The following CNGB1 variants were observed in gnomAD, a reference collection of about 807,000 sequenced individuals.
The protein encoded by CNGB1 is cyclic nucleotide-gated channel beta-1.
Under a neutral mutation model 151.7 loss-of-function variants are expected in CNGB1, and 126 were observed. The ratio of observed to expected loss-of-function variants is 0.83; its 90% CI spans 0.72 to 0.96. The LOEUF is 0.96. CNGB1 is among the 40% of genes least tolerant of loss of function. The pLI is 0.00. For missense variants in CNGB1, 1,698 were observed against 1,627.0 expected (o/e 1.04, Z -0.75); for synonymous variants, 623 against 635.1 (o/e 0.98, Z 0.29).
In CNGB1 at chr16:57,904,893, A is replaced by G; in HGVS notation, c.2493-18T>C. ...GAATATAACTGGAGAGAGAGGAGAA[A>G]GGGAACATGGGTCATCACAGGCCCC... On this transcript the variant is annotated intron_variant, in intron 25 of 32. Transcript: ENST00000251102. 6.2e-7 allele frequency: 1 copy of G among 1,614,148 alleles called. No homozygotes were observed. Among genetic ancestry groups the G allele is most frequent in the Non-Finnish European group, 8.5e-7 (1 of 1,180,022 alleles).
intron 14 of CNGB1, among the ~76,000 whole-genome samples, chr16:57,945,887 G>T (rs1961794519): frequency 6.6e-6 from 1 of 152,220 alleles, no homozygotes; most frequent in African/African-American, 2.4e-5. Context: ...GATCTGCAGG[G>T]TTATGAAATC....
intron 19 of CNGB1, among the ~76,000 whole-genome samples, chr16:57,919,989 A>G (rs1241359305): frequency 6.6e-6 from 1 of 152,232 alleles, no homozygotes; most frequent in Non-Finnish European, 1.5e-5. Context: ...GATAGCCTCA[A>G]TAAGAACTTT....
At chr16:57,952,648 G>A (rs1961982157) in intron 12 of CNGB1, among the ~76,000 whole-genome samples, 1 of 151,670 alleles carries the variant, frequency 6.6e-6, no homozygotes, top group Non-Finnish European at 1.5e-5. Context: ...TTACAGGCAT[G>A]CACCACCACA....
Position 57,960,509 on chromosome 16 carries a change from C to A in CNGB1, c.556G>T (p.Val186Phe). ...SSEVWRDEPA[V>F]ATGAASDPAP... is the part of the protein sequence containing the mutation. ...GGGTCTGAGGCAGCACCTGTAGCAA[C>A]TGCAGGCTCATCTCTCCAGACCTGG... is the stretch of plus-strand genomic sequence containing the variant. Residue 186 changes from valine to phenylalanine, a missense_variant, in exon 9 of 33, where the codon GTT (valine) becomes TTT (phenylalanine). By Grantham distance (50) the Val-to-Phe change is conservative (BLOSUM62 -1). Coordinates refer to ENST00000251102, the MANE Select transcript of CNGB1 (RefSeq NM_001297.5). The A allele has an allele frequency of 6.2e-7, 1 of 1,613,870 alleles. No individual in the cohort carries two copies. The highest frequency in any genetic ancestry group is 8.5e-7 in the Non-Finnish European group (1 of 1,179,894).
chr16:57,951,968 A>G (rs1206363350), intron 12 of CNGB1, among the ~76,000 whole-genome samples: 1 of 152,220 alleles, frequency 6.6e-6, no homozygotes, highest in Non-Finnish European at 1.5e-5. Flanking sequence ...TGGCCCTGCA[A>G]ACGCCCCTGG....
At chr16:57,970,325 G>A (rs1962508486) in intron 1 of CNGB1, among the ~76,000 whole-genome samples, 1 of 152,090 alleles carries the variant, frequency 6.6e-6, no homozygotes, top group Non-Finnish European at 1.5e-5. Context: ...TGAGCTAAGT[G>A]CATTCTACCC....
chr16:57,927,636 G>A (rs1279380513), intron 17 of CNGB1, among the ~76,000 whole-genome samples: 1 of 152,222 alleles, frequency 6.6e-6, no homozygotes, highest in Non-Finnish European at 1.5e-5. Context: ...GCGAATGCAT[G>A]AATGACAGGG....
chr16:57,887,809 A>G (rs893198760), intron 32 of CNGB1, 46 bp downstream of exon 32: 1 of 1,587,240 alleles, frequency 6.3e-7, no homozygotes, highest in Non-Finnish European at 8.6e-7. Flanking sequence ...CTTCTCCCTG[A>G]CACATATTGA....
chr16:57,968,410 T>C (rs909691637), intron 1 of CNGB1, among the ~76,000 whole-genome samples: 1 of 151,856 alleles, frequency 6.6e-6, no homozygotes, highest in Non-Finnish European at 1.5e-5. Context: ...GGCATGAGAA[T>C]CTCTTGAACC....
intron 1 of CNGB1, 81 bp from the exon 2 acceptor site, chr16:57,967,375 A>G (rs1322766276): frequency 2.1e-6 from 3 of 1,411,726 alleles, no homozygotes; most frequent in South Asian, 1.2e-5. Flanking sequence ...TATGAGTTGT[A>G]CATTTCCTTT....
chr16:57,901,062 G>C lies in CNGB1; in HGVS notation c.2976+290C>G, dbSNP rs1053208618. Among the ~76,000 whole-genome samples, 11 of 150,998 alleles carry C rather than the reference G, an allele frequency of 7.3e-5. No individual in the cohort carries two copies. The East Asian group carries it at 9.7e-4, about 13-fold the overall frequency. On this transcript the variant is annotated intron_variant, in intron 29 of 32. Transcript: ENST00000251102. ...TTCCCTTTCTGTAAGGTGGAGTTGG[G>C]GGGGGGGTCTTTGTCCTGGCCCCCA...
chr16:57,939,680 T>G, intron 15 of CNGB1, 88 bp from the exon 16 acceptor site: 1 of 1,558,154 alleles, frequency 6.4e-7, no homozygotes, highest in Non-Finnish European at 8.8e-7. Flanking sequence ...CCTTCAGAAG[T>G]CCACATGGGC....
In CNGB1 at chr16:57,962,834, G is replaced by T. The variant is rs185727761; in HGVS notation, c.412+8C>A. On this transcript the variant is annotated splice_region_variant and intron_variant, in intron 6 of 32. Transcript: ENST00000251102. The stretch of plus-strand genomic sequence containing the variant: ...CTGCTGAAAAGCCATCCTGCCCCTT[G>T]TTCTTACCTGTGTCCCCAGTGCTGC... The T allele has an allele frequency of 1.2e-3, 1,940 of 1,612,706 alleles. 32 individuals are homozygous for T. In the South Asian group the frequency reaches 0.017, roughly 14 times the overall value.
intron 27 of CNGB1, 49 bp from the exon 28 acceptor site, chr16:57,901,674 C>T (rs1448802572): frequency 6.6e-7 from 1 of 1,510,004 alleles, no homozygotes; most frequent in East Asian, 2.3e-5. Context: ...GGCCCCACCC[C>T]AGACATACAT....
At chr16:57,960,214 A>G in intron 9 of CNGB1, 149 bp from the exon 10 acceptor site, 1 of 1,433,836 alleles carries the variant, frequency 7.0e-7, no homozygotes, top group East Asian at 2.5e-5. Flanking sequence ...CCTCAAACAG[A>G]CCAGACAGAC....
chr16:57,935,653 A>C (rs13335409), intron 16 of CNGB1, among the ~76,000 whole-genome samples: 40,125 of 151,104 alleles, frequency 0.27, 5,369 homozygotes, highest in Middle Eastern at 0.35. Flanking sequence ...GTCCCCCCCC[A>C]AAAAAAAATA....
intron 29 of CNGB1, 24 bp from the exon 30 acceptor site, chr16:57,897,938 C>G: frequency 6.2e-7 from 1 of 1,610,756 alleles, no homozygotes; most frequent in Non-Finnish European, 8.5e-7. Flanking sequence ...GTGACAAGTC[C>G]CTCTGTTCAT....
chr16:57,916,434 T>C (rs1960870329), intron 21 of CNGB1, among the ~76,000 whole-genome samples: 1 of 152,226 alleles, frequency 6.6e-6, no homozygotes, highest in African/African-American at 2.4e-5. Context: ...TTATTCCCTC[T>C]GCCCATTGGT....
intron 27 of CNGB1, 74 bp from the exon 28 acceptor site, chr16:57,901,699 C>T: frequency 1.7e-6 from 2 of 1,205,002 alleles, no homozygotes; most frequent in Admixed American, 1.9e-5. Context: ...GCCAAGTGCC[C>T]ACCTACTGGC....
Sources: gnomAD v4.1 joint callset for allele counts (sites outside exome capture counted in the v4.1 genomes callset) on GRCh38, gnomAD v4.1.1 for gene constraint, MANE v1.5 for transcripts, NCBI Gene and HGNC (gene_info 2026-07-23, HGNC 2026-07-21) for gene names.